The following GRM7 variants were observed in gnomAD, a reference collection of about 807,000 sequenced individuals.
GRM7 encodes the protein glutamate metabotropic receptor 7.
In GRM7, 35 loss-of-function variants were observed where a neutral mutation model predicts 84.5. The ratio of observed to expected loss-of-function variants is 0.41; its 90% CI spans 0.32 to 0.55. GRM7 has a LOEUF of 0.55. Among genes scored for constraint, GRM7 ranks in the 20% least tolerant of loss-of-function variants. The probability of loss-of-function intolerance (pLI) is 0.19; values close to 1 mark genes in which losing one functional copy is unlikely to be tolerated. For synonymous variants in GRM7, 487 were observed against 455.1 expected (o/e 1.07, Z -0.89); for missense variants, 1,003 against 1,194.6 (o/e 0.84, Z 2.36).
At chr3:6,937,786 T>C (rs1697741398) in intron 1 of GRM7, among the ~76,000 whole-genome samples, 1 of 152,234 alleles carries the variant, frequency 6.6e-6, no homozygotes, top group African/African-American at 2.4e-5. Flanking sequence ...CTATTATCTG[T>C]TATCACAATG....
At chr3:7,346,080 C>T (rs1319632411) in intron 4 of GRM7, among the ~76,000 whole-genome samples, 5 of 151,966 alleles carry the variant, frequency 3.3e-5, no homozygotes, top group Non-Finnish European at 7.4e-5. Flanking sequence ...CCTAGGAGAC[C>T]TGTGGTAAAT....
intron 7 of GRM7, among the ~76,000 whole-genome samples, chr3:7,526,070 G>A (rs905323357): frequency 6.6e-6 from 1 of 152,160 alleles, no homozygotes; most frequent in Non-Finnish European, 1.5e-5. Flanking sequence ...ATCCAGTAAT[G>A]GGATTGCTGG....
chr3:7,267,939 T>C (rs936435759), intron 2 of GRM7, among the ~76,000 whole-genome samples: 1 of 152,082 alleles, frequency 6.6e-6, no homozygotes, highest in African/African-American at 2.4e-5. Context: ...CATGGGATAA[T>C]TGGTTCAGTT....
At chr3:7,579,783 C>G (rs146335335) in intron 8 of GRM7, among the ~76,000 whole-genome samples, 5 of 152,186 alleles carry the variant, frequency 3.3e-5, no homozygotes, top group Non-Finnish European at 7.3e-5. Flanking sequence ...AATGCTCTCT[C>G]GCTCTTCCAA....
chr3:7,589,361 C>T (rs1228037764), intron 8 of GRM7, among the ~76,000 whole-genome samples: 2 of 151,974 alleles, frequency 1.3e-5, no homozygotes, highest in Non-Finnish European at 2.9e-5. Flanking sequence ...TCTTTTTTTC[C>T]CAAATCTTTA....
At chr3:7,156,714 C>G (rs1159630821) in intron 2 of GRM7, among the ~76,000 whole-genome samples, 2 of 152,122 alleles carry the variant, frequency 1.3e-5, no homozygotes, top group East Asian at 3.9e-4. Flanking sequence ...AAGACCTGCC[C>G]TTTTGTATCA....
At chr3:7,367,487 C>G (rs1463744594) in intron 4 of GRM7, among the ~76,000 whole-genome samples, 1 of 151,822 alleles carries the variant, frequency 6.6e-6, no homozygotes, top group Non-Finnish European at 1.5e-5. Flanking sequence ...TGACAAGATA[C>G]TAGAAAGGAC....
intron 4 of GRM7, among the ~76,000 whole-genome samples, chr3:7,350,170 C>T (rs1311486772): frequency 6.6e-6 from 1 of 152,038 alleles, no homozygotes; most frequent in East Asian, 1.9e-4. Context: ...GGTGCTTCTC[C>T]ACATATATGA....
intron 8 of GRM7, among the ~76,000 whole-genome samples, chr3:7,669,916 A>C (rs1699852305): frequency 1.4e-5 from 2 of 147,036 alleles, no homozygotes; most frequent in African/African-American, 5.5e-5. Context: ...ACTTTTGTCA[A>C]CAGTGCAACA....
chr3:7,598,199 C>A (rs1362334949), intron 8 of GRM7, among the ~76,000 whole-genome samples: 1 of 152,180 alleles, frequency 6.6e-6, no homozygotes, highest in Non-Finnish European at 1.5e-5. Flanking sequence ...AGAGATAAAT[C>A]CCCACATCCC....
intron 9 of GRM7, among the ~76,000 whole-genome samples, chr3:7,733,969 A>G (rs77487108): frequency 0.018 from 2,803 of 152,248 alleles, 85 homozygotes; most frequent in African/African-American, 0.062. Flanking sequence ...TCTTTGTAAA[A>G]TATCTTTAAG....
At chr3:7,560,092 C>T (rs1196958944) in intron 7 of GRM7, among the ~76,000 whole-genome samples, 3 of 152,028 alleles carry the variant, frequency 2.0e-5, no homozygotes, top group Non-Finnish European at 2.9e-5. Flanking sequence ...TCCATAATCC[C>T]TACTATCAGG....
At chr3:7,028,663 T>A (rs1030640634) in intron 1 of GRM7, among the ~76,000 whole-genome samples, 2 of 152,192 alleles carry the variant, frequency 1.3e-5, no homozygotes, top group South Asian at 2.1e-4. Flanking sequence ...ATCCCTATGA[T>A]TCTGTGAGTT....
At chr3:7,110,621 T>TTA (rs1407407812) in intron 1 of GRM7, among the ~76,000 whole-genome samples, 7 of 128,212 alleles carry the variant, frequency 5.5e-5, no homozygotes, top group South Asian at 2.7e-4. Context: ...ACGCACACAA[T>TTA]TATATATATA....
At chr3:7,223,191 T>A (rs1256082825) in intron 2 of GRM7, among the ~76,000 whole-genome samples, 1 of 152,164 alleles carries the variant, frequency 6.6e-6, no homozygotes, top group African/African-American at 2.4e-5. Context: ...TATATTAGAC[T>A]TTAAATATTT....
intron 1 of GRM7, among the ~76,000 whole-genome samples, chr3:6,949,247 C>A (rs540894938): frequency 1.3e-5 from 2 of 152,238 alleles, no homozygotes; most frequent in Admixed American, 6.5e-5. Flanking sequence ...TTAGAGCAGG[C>A]CTGGTGGTGA....
At chr3:7,227,181 A>G (rs1056778814) in intron 2 of GRM7, among the ~76,000 whole-genome samples, 4 of 152,198 alleles carry the variant, frequency 2.6e-5, no homozygotes, top group Non-Finnish European at 1.5e-5. Context: ...CCATTTTTCT[A>G]TAGTAGATAG....
At chr3:7,622,631 C>A (rs1697413393) in intron 8 of GRM7, among the ~76,000 whole-genome samples, 1 of 151,860 alleles carries the variant, frequency 6.6e-6, no homozygotes, top group African/African-American at 2.4e-5. Context: ...AGCTGAAATC[C>A]CAAAGAAGGC....
chr3:6,956,220 C>A (rs1277874916), intron 1 of GRM7, among the ~76,000 whole-genome samples: 1 of 152,206 alleles, frequency 6.6e-6, no homozygotes, highest in Admixed American at 6.5e-5. Context: ...GGCCAACTCT[C>A]ATGCATTGCA....
Sources: gnomAD v4.1 joint callset for allele counts (sites outside exome capture counted in the v4.1 genomes callset) on GRCh38, gnomAD v4.1.1 for gene constraint, MANE v1.5 for transcripts, NCBI Gene and HGNC (gene_info 2026-07-23, HGNC 2026-07-21) for gene names.